Variants in NUP214 observed in about 807,000 individuals in gnomAD.
NUP214 encodes the protein nucleoporin 214.
NUP214 carries 79 observed loss-of-function variants against 196.2 expected under a neutral mutation model. That is an observed-to-expected ratio of 0.40 (90% confidence interval 0.34 to 0.49). The LOEUF (loss-of-function observed/expected upper bound fraction) is 0.49. Ranked by LOEUF, NUP214 falls within the 20% of genes least tolerant of loss-of-function variation. The pLI is 0.58. For synonymous variants in NUP214, 1,020 were observed against 990.5 expected (o/e 1.03, Z -0.56); for missense variants, 2,468 against 2,539.0 (o/e 0.97, Z 0.60).
chr9:131,151,661 C>A, intron 16 of NUP214, 75 bp from the exon 17 acceptor site: 1 of 1,177,580 alleles, frequency 8.5e-7, no homozygotes, highest in Non-Finnish European at 1.2e-6. Flanking sequence ...TGAGAAACAC[C>A]ACCTTCCTTG....
chr9:131,154,879 TTATC>T (rs1198852215), intron 17 of NUP214, among the ~76,000 whole-genome samples: 2 of 152,236 alleles, frequency 1.3e-5, no homozygotes. Context: ...CACATTTTCT[TTATC>T]CACTCGTTGA....
In NUP214 at chr9:131,127,697, C is replaced by G. The variant is rs117100888; in HGVS notation, c.219C>G (p.Pro73=). The stretch of plus-strand genomic sequence containing the variant: ...AAAATCTTCTTATTCAAAATAAACC[C>G]GGAGATGATCCCAACAAAATAGGTA... ...PTKNLLIQNK[P]GDDPNKIVDK... Residue 73 remains proline, a synonymous_variant, in exon 2 of 36, where the codon CCC becomes CCG. Coordinates refer to ENST00000359428, the MANE Select transcript of NUP214 (RefSeq NM_005085.4). The G allele has an allele frequency of 1.9e-4, 301 of 1,613,628 alleles. No homozygotes were observed. Among genetic ancestry groups the G allele is most frequent in the Non-Finnish European group, 2.4e-4 (287 of 1,179,748 alleles).
At chr9:131,138,631 G>A (rs776776564) in intron 9 of NUP214, among the ~76,000 whole-genome samples, 1 of 152,216 alleles carries the variant, frequency 6.6e-6, no homozygotes, top group Non-Finnish European at 1.5e-5. Flanking sequence ...AGAGTCATTT[G>A]TTGGAAGGAA....
chr9:131,186,979 G>T (rs1163495044), intron 24 of NUP214: 2 of 254,494 alleles, frequency 7.9e-6, no homozygotes, highest in Non-Finnish European at 1.5e-5. Context: ...GGAAGGGCCA[G>T]GGAGGAGGAG....
intron 21 of NUP214, among the ~76,000 whole-genome samples, chr9:131,168,258 T>C (rs183420326): frequency 8.5e-5 from 13 of 152,340 alleles, no homozygotes; most frequent in African/African-American, 3.1e-4. Flanking sequence ...GTTAGTACTT[T>C]TTGTGTTCTG....
intron 34 of NUP214, among the ~76,000 whole-genome samples, chr9:131,231,256 A>T (rs1460121416): frequency 6.6e-6 from 1 of 152,122 alleles, no homozygotes; most frequent in Non-Finnish European, 1.5e-5. Context: ...GCAGTGGCAC[A>T]ATCTCGGCTC....
At chr9:131,166,875 C>T (rs2133566183) in intron 21 of NUP214, among the ~76,000 whole-genome samples, 1 of 152,224 alleles carries the variant, frequency 6.6e-6, no homozygotes, top group Admixed American at 6.5e-5. Flanking sequence ...ATGTTTACTA[C>T]TGTTTGCCAC....
At chr9:131,176,009 A>T (rs544660239) in intron 23 of NUP214, among the ~76,000 whole-genome samples, 17 of 152,214 alleles carry the variant, frequency 1.1e-4, no homozygotes, top group African/African-American at 3.6e-4. Flanking sequence ...AGCTACCCCA[A>T]GAGGTAGGTA....
chr9:131,132,344 C>T (rs1047243586), intron 5 of NUP214, among the ~76,000 whole-genome samples: 1 of 152,030 alleles, frequency 6.6e-6, no homozygotes, highest in Non-Finnish European at 1.5e-5. Context: ...GAACTCCTGA[C>T]CTCAGGTGAT....
intron 16 of NUP214, among the ~76,000 whole-genome samples, chr9:131,151,432 G>A (rs1832260258): frequency 6.6e-6 from 1 of 152,226 alleles, no homozygotes; most frequent in Non-Finnish European, 1.5e-5. Flanking sequence ...TGTTTGGAAA[G>A]AGGCAAGTTC....
chr9:131,197,384 C>T lies in NUP214; in HGVS notation c.3890C>T (p.Ala1297Val). The T allele has an allele frequency of 6.2e-7, 1 of 1,614,186 alleles. No homozygotes were observed. The highest frequency in any genetic ancestry group is 2.2e-5 in the East Asian group (1 of 44,886). Residue 1297 changes from alanine (A) to valine (V), a missense_variant, in exon 29 of 36, where the codon GCA becomes GTA. This residue lies in a region of NUP214 where 1,801 missense variants were observed against 1,779.4 expected (regional missense o/e 1.01). Transcript: ENST00000359428. ...GCCGCATCTAGCAGCAGACCTGTGG[C>T]ACCTTCTGGAACTGCTCTTTCCACC... ...EPAASSSRPV[A>V]PSGTALSTTS...
intron 31 of NUP214, 112 bp downstream of exon 31, chr9:131,215,480 C>T (rs1047952844): frequency 5.8e-6 from 7 of 1,210,308 alleles, no homozygotes; most frequent in Admixed American, 3.0e-5. Flanking sequence ...ATCTAGAAGG[C>T]TCATTTAAAA....
At chr9:131,171,030 C>T (rs1832943101) in intron 21 of NUP214, among the ~76,000 whole-genome samples, 2 of 146,820 alleles carry the variant, frequency 1.4e-5, no homozygotes, top group Non-Finnish European at 1.5e-5. Context: ...CCTTATCTGA[C>T]GTAGAGTGTA....
Position 131,223,727 on chromosome 9 carries a change from A to ATTTATTT in NUP214, c.5902+800_5902+801insATTTTTT. ...TTTTTTTATTTTTATTTATTTATTT[A>ATTTATTT]TTTTTTTTTTTTTTTTTTTTTTTTT... is the stretch of plus-strand genomic sequence containing the variant. On this transcript the variant is annotated intron_variant, in intron 32 of 35. Coordinates refer to ENST00000359428, the MANE Select transcript of NUP214 (RefSeq NM_005085.4). Among the ~76,000 whole-genome samples, 6 of 15,660 alleles carry ATTTATTT rather than the reference A, an allele frequency of 3.8e-4. 1 individual carries two copies. Among genetic ancestry groups the ATTTATTT allele is most frequent in the Admixed American group, 2.7e-3 (2 of 734 alleles). The allele number at this position is 15,660 out of a possible 152,430, so 10.3% of individuals were successfully genotyped here.
In NUP214 at chr9:131,195,228, G is replaced by T. The variant is rs1454341767; in HGVS notation, c.3660-5G>T. On this transcript the variant is annotated splice_polypyrimidine_tract_variant and splice_region_variant and intron_variant, in intron 27 of 35. Coordinates refer to ENST00000359428, the MANE Select transcript of NUP214 (RefSeq NM_005085.4). ...CTTTTTAATTTCTCTTTTTCCACTT[G>T]TTAGGACTGGCTTTAATTTTGGGAT... 1 of 1,606,790 alleles carries T rather than the reference G, an allele frequency of 6.2e-7. No individual in the cohort carries two copies. Among genetic ancestry groups the T allele is most frequent in the Non-Finnish European group, 8.5e-7 (1 of 1,175,032 alleles).
Position 131,198,751 on chromosome 9 carries a change from G to A in NUP214, c.5257G>A (p.Val1753Met), listed in dbSNP as rs138503573. ...FSFSQPGFSS[V>M]PAFGQPASST... ...CTTCAGTCAGCCTGGGTTCAGTTCCGTGCCTGCCTTCGGTCAGCCTGCTTC... is the reference window on the plus strand; with the variant it reads ...CTTCAGTCAGCCTGGGTTCAGTTCCATGCCTGCCTTCGGTCAGCCTGCTTC... The change falls in exon 29 of 36, where the codon GTG (valine) becomes ATG (methionine). Residue 1753 changes from valine (V) to methionine (M), a missense_variant. Physicochemically the swap from Val to Met is conservative, Grantham distance 21. This residue lies in a region of NUP214 where 1,801 missense variants were observed against 1,779.4 expected (regional missense o/e 1.01). Coordinates refer to ENST00000359428, the MANE Select transcript of NUP214 (RefSeq NM_005085.4). 95 of 1,614,182 alleles carry A rather than the reference G, an allele frequency of 5.9e-5. No homozygotes were observed. The highest frequency in any genetic ancestry group is 7.3e-5 in the Non-Finnish European group (86 of 1,180,044).
rs1834960620 is a variant in NUP214 at position 131,234,505 on chromosome 9, A to C, written c.*1018A>C. 2 of 231,980 alleles carry C rather than the reference A, an allele frequency of 8.6e-6. No individual in the cohort carries two copies. The highest frequency in any genetic ancestry group is 1.7e-5 in the Non-Finnish European group (2 of 117,384). The allele number at this position is 231,980 out of a possible 1,614,324, so 14.4% of individuals were successfully genotyped here. On this transcript the variant is annotated 3_prime_UTR_variant, in exon 36 of 36. Coordinates refer to ENST00000359428, the MANE Select transcript of NUP214 (RefSeq NM_005085.4). ...AAACAAGGACCGTCTCGCATTGAAA[A>C]CAGATGTAAGAATTTCTCTTTCAGG...
At chr9:131,174,880 C>G (rs2131001264) in intron 22 of NUP214, among the ~76,000 whole-genome samples, 1 of 152,328 alleles carries the variant, frequency 6.6e-6, no homozygotes, top group Non-Finnish European at 1.5e-5. Context: ...TGCGCTATAA[C>G]AGTTTTTCTG....
chr9:131,189,659 A>G (rs1833546741), intron 26 of NUP214, among the ~76,000 whole-genome samples: 1 of 152,226 alleles, frequency 6.6e-6, no homozygotes, highest in African/African-American at 2.4e-5. Flanking sequence ...AACTTCTCCT[A>G]CACTCACTCA....
Sources: allele counts gnomAD v4.1 joint callset (sites outside exome capture counted in the v4.1 genomes callset), GRCh38; gene constraint gnomAD v4.1.1; regional missense constraint gnomAD v4.1.1; transcripts MANE v1.5; gene names NCBI Gene and HGNC (gene_info 2026-07-23, HGNC 2026-07-21).